The following IL6R variants were observed in gnomAD, a reference collection of about 807,000 sequenced individuals.
IL6R encodes interleukin-6 receptor subunit alpha.
A neutral mutation model predicts 48.3 loss-of-function variants in IL6R; 38 were observed. That is an observed-to-expected ratio of 0.79 (90% CI 0.61 to 1.03). The LOEUF is 1.03. Among genes scored for constraint, IL6R ranks in the 50% least tolerant of loss-of-function variants. The probability of loss-of-function intolerance (pLI) is 0.00; values close to 1 mark genes in which losing one functional copy is unlikely to be tolerated. For missense variants in IL6R, 534 were observed against 618.3 expected, an observed-to-expected ratio of 0.86 and a Z score of 1.45; for synonymous variants, 264 against 256.2, an observed-to-expected ratio of 1.03 and a Z score of -0.29.
At chr1:154,416,699 C>A (rs1022135454) in intron 1 of IL6R, among the ~76,000 whole-genome samples, 1 of 151,384 alleles carries the variant, frequency 6.6e-6, no homozygotes, top group Admixed American at 6.6e-5. Context: ...CATGGGGGAG[C>A]GGAGGGGGTG....
At chr1:154,456,550 G>C (rs1159554432) in intron 9 of IL6R, among the ~76,000 whole-genome samples, 3 of 152,170 alleles carry the variant, frequency 2.0e-5, no homozygotes, top group Non-Finnish European at 4.4e-5. Flanking sequence ...CTTGACAACA[G>C]ATTAGATGAG....
In IL6R at chr1:154,410,508, C is replaced by T. The variant is rs1687961278; in HGVS notation, c.85+4794C>T. Among the ~76,000 whole-genome samples, 4 of 152,350 alleles carry T rather than the reference C, an allele frequency of 2.6e-5. No homozygotes were observed. The South Asian group carries it at 8.3e-4, about 32-fold the overall frequency. The stretch of plus-strand genomic sequence containing the variant: ...TCAAGCAGTTCACCCGCCTTGGCCT[C>T]CCAAAGTGCTGGGATTACAGGCGTG... On this transcript the variant is annotated intron_variant, in intron 1 of 9. Coordinates refer to ENST00000368485, the MANE Select transcript of IL6R (RefSeq NM_000565.4).
chr1:154,423,260 AATATAT>A (rs35079361), intron 1 of IL6R, among the ~76,000 whole-genome samples: 1,793 of 85,464 alleles, frequency 0.021, 115 homozygotes, highest in African/African-American at 0.064. Flanking sequence ...TGTTTAATTA[AATATAT>A]ATATATATAT....
At chr1:154,408,735 C>G (rs1687870299) in intron 1 of IL6R, among the ~76,000 whole-genome samples, 1 of 152,126 alleles carries the variant, frequency 6.6e-6, no homozygotes, top group African/African-American at 2.4e-5. Flanking sequence ...GAATCCTGGT[C>G]CCACCAGGCC....
intron 7 of IL6R, among the ~76,000 whole-genome samples, chr1:154,448,886 T>C (rs1486774009): frequency 7.5e-5 from 10 of 132,926 alleles, no homozygotes; most frequent in African/African-American, 1.4e-4. Flanking sequence ...TTTTTTTTTT[T>C]TTTTTTTTTT....
intron 9 of IL6R, among the ~76,000 whole-genome samples, chr1:154,458,477 T>C (rs563731582): frequency 1.3e-5 from 2 of 152,256 alleles, no homozygotes; most frequent in Non-Finnish European, 2.9e-5. Context: ...TCCTGTGTTC[T>C]GGCTCTGTGT....
At chr1:154,439,174 T>C (rs1160200657) in intron 6 of IL6R, among the ~76,000 whole-genome samples, 1 of 152,186 alleles carries the variant, frequency 6.6e-6, no homozygotes, top group African/African-American at 2.4e-5. Context: ...CTATTTTACC[T>C]TTTATTCCAA....
chr1:154,414,910 G>T, intron 1 of IL6R: 1 of 941,822 alleles, frequency 1.1e-6, no homozygotes, highest in Non-Finnish European at 1.7e-6. Context: ...TTTGAGCTGG[G>T]TCATGTGGCG....
chr1:154,437,478 A>G, intron 6 of IL6R: 3 of 448,284 alleles, frequency 6.7e-6, no homozygotes, highest in Non-Finnish European at 9.0e-6. Context: ...CAGCAGTGCA[A>G]TCACAGCTCA....
intron 1 of IL6R, among the ~76,000 whole-genome samples, chr1:154,406,032 G>C (rs1208419685): frequency 6.6e-6 from 1 of 152,196 alleles, no homozygotes; most frequent in Admixed American, 6.5e-5. Flanking sequence ...AGTGCCCCCA[G>C]GAGCCTTTAC....
At chr1:154,415,666 T>C (rs567327522) in intron 1 of IL6R, among the ~76,000 whole-genome samples, 293 of 152,332 alleles carry the variant, frequency 1.9e-3, no homozygotes, top group South Asian at 3.9e-3. Context: ...ATTTTTTTAA[T>C]GTGGTAAAAA....
Position 154,454,190 on chromosome 1 carries a change from C to G in IL6R, c.1067-298C>G. On this transcript the variant is annotated intron_variant, in intron 8 of 9. Transcript: ENST00000368485. ...TCTGAAAGTGAGTAGGAGTCTGTGG[C>G]TAGCCACAGGCGCTCAGAAACCCTG... The G allele has an allele frequency of 9.0e-6, 4 of 443,082 alleles. No homozygotes were observed. The Middle Eastern group carries it at 2.0e-3, about 223-fold the overall frequency. 27.4% of individuals were successfully genotyped at this position (443,082 alleles called of 1,614,324 possible).
chr1:154,425,897 T>C (rs1688935875), intron 1 of IL6R, among the ~76,000 whole-genome samples: 1 of 151,524 alleles, frequency 6.6e-6, no homozygotes, highest in Non-Finnish European at 1.5e-5. Context: ...CTGGGCAATA[T>C]ATTGAGAACT....
chr1:154,418,066 C>T (rs1688454056), intron 1 of IL6R, among the ~76,000 whole-genome samples: 1 of 151,868 alleles, frequency 6.6e-6, no homozygotes, highest in African/African-American at 2.4e-5. Context: ...GATGGGGTTT[C>T]ACCATTTTGG....
chr1:154,412,258 T>G (rs1307133545), intron 1 of IL6R, among the ~76,000 whole-genome samples: 1 of 148,426 alleles, frequency 6.7e-6, no homozygotes, highest in Non-Finnish European at 1.5e-5. Flanking sequence ...GCCTTTTTTT[T>G]TTGTTTTTGT....
chr1:154,445,103 T>C (rs1279041396), intron 6 of IL6R: 1 of 456,132 alleles, frequency 2.2e-6, no homozygotes, highest in East Asian at 6.9e-5. Flanking sequence ...AGGTGAGTCA[T>C]TTCTCCTCAG....
At chr1:154,447,441 AAAAAAAAAAAAAAAT>A (rs1408079355) in intron 6 of IL6R, among the ~76,000 whole-genome samples, 2,022 of 60,630 alleles carry the variant, frequency 0.033, 190 homozygotes, top group African/African-American at 0.093. Flanking sequence ...TCCATCTCAA[AAAAAAAAAAAAAAAT>A]ATATATATAT....
chr1:154,422,702 C>T (rs1688739728), intron 1 of IL6R, among the ~76,000 whole-genome samples: 1 of 152,210 alleles, frequency 6.6e-6, no homozygotes, highest in South Asian at 2.1e-4. Flanking sequence ...GTGCTCTTTG[C>T]TAAATTTCAG....
chr1:154,447,311 C>T (rs868737504), intron 6 of IL6R, among the ~76,000 whole-genome samples: 9 of 149,802 alleles, frequency 6.0e-5, no homozygotes, highest in Non-Finnish European at 1.0e-4. Context: ...TGGTGGTGGG[C>T]GCCTATAATC....
Sources: allele counts gnomAD v4.1 joint callset (sites outside exome capture counted in the v4.1 genomes callset), GRCh38; gene constraint gnomAD v4.1.1; transcripts MANE v1.5; gene names NCBI Gene and HGNC (gene_info 2026-07-23, HGNC 2026-07-21).